Variants in EIF4E3 observed in about 807,000 individuals in gnomAD.
EIF4E3 encodes the protein eukaryotic translation initiation factor 4E type 3.
Under a neutral mutation model 31.7 loss-of-function variants are expected in EIF4E3, and 26 were observed. The ratio of observed to expected loss-of-function variants is 0.82; its 90% confidence interval spans 0.60 to 1.14. The LOEUF (loss-of-function observed/expected upper bound fraction) is 1.14. EIF4E3 is among the 50% of genes most tolerant of loss of function. The pLI, the probability that EIF4E3 is intolerant of heterozygous loss-of-function variation, is 0.00. For synonymous variants in EIF4E3, 128 were observed against 107.7 expected, an observed-to-expected ratio of 1.19 and a Z score of -1.17; for missense variants, 304 against 270.9, an observed-to-expected ratio of 1.12 and a Z score of -0.86.
chr3:71,674,090 CTTTTTTTTTTTTTT>C (rs71277509), downstream of EIF4E3, among the ~76,000 whole-genome samples: 41 of 25,068 alleles, frequency 1.6e-3, no homozygotes, highest in Non-Finnish European at 2.7e-3. Flanking sequence ...ATCAACTGTA[CTTTTTTTTTTTTTT>C]TTTTTTTTTT....
chr3:71,675,312 C>T (rs1459004920), downstream of EIF4E3: 1 of 152,224 alleles, frequency 6.6e-6, no homozygotes, highest in Non-Finnish European at 1.5e-5. Flanking sequence ...CACCTGCCAT[C>T]CACACCAGCA....
chr3:71,710,589 A>C, intron 1 of EIF4E3, 105 bp from the exon 2 acceptor site: 4 of 1,133,538 alleles, frequency 3.5e-6, no homozygotes, highest in Non-Finnish European at 5.1e-6. Context: ...ATCAGGTCTC[A>C]AACCACAGGA....
chr3:71,710,728 A>G (rs1357572921), intron 1 of EIF4E3, among the ~76,000 whole-genome samples: 2 of 152,338 alleles, frequency 1.3e-5, no homozygotes, highest in East Asian at 3.9e-4. Context: ...AAAGATAAGT[A>G]TGTATTAATA....
rs537605120 is a variant in EIF4E3, at chr3:71,724,358, G to A, written c.176+834C>T. On this transcript the variant is annotated intron_variant, in intron 1 of 6. Coordinates refer to ENST00000425534, the MANE Select transcript of EIF4E3 (RefSeq NM_001134651.2). ...AACTGAGGGGAGGTGTTGAGGAGCTGGGGAGACAGACTGAAAGTAAACAAA... is the reference window on the plus strand; with the variant it reads ...AACTGAGGGGAGGTGTTGAGGAGCTAGGGAGACAGACTGAAAGTAAACAAA... 2.3e-4 allele frequency among the ~76,000 whole-genome samples: 35 copies of A among 152,310 alleles called. No individual in the cohort carries two copies. In the South Asian group the frequency reaches 7.3e-3, roughly 32 times the overall value.
At chr3:71,754,682 C>A (rs747505478), upstream of EIF4E3, 2 of 1,499,912 alleles carry the variant, frequency 1.3e-6, no homozygotes, top group Non-Finnish European at 8.8e-7. This position sits in a 1 kb window ranked among gnomAD's most constrained non-coding sequence, Gnocchi z 5.8. Flanking sequence ...TCCACGACCG[C>A]CGCAAGATGC....
chr3:71,742,850 C>T (rs1451677765), intron 1 of EIF4E3, among the ~76,000 whole-genome samples: 2 of 152,140 alleles, frequency 1.3e-5, no homozygotes, highest in Non-Finnish European at 2.9e-5. Flanking sequence ...CAATACAATT[C>T]ACTATTTAAC....
At chr3:71,717,199 C>T (rs148627924) in intron 1 of EIF4E3, among the ~76,000 whole-genome samples, 60 of 152,258 alleles carry the variant, frequency 3.9e-4, no homozygotes, top group African/African-American at 1.3e-3. Context: ...CTTGTTGGAG[C>T]GGCAATCTCC....
chr3:71,669,244 C>T, the EIF4E3 span, among the ~76,000 whole-genome samples: 145 of 142,354 alleles, frequency 1.0e-3, 1 homozygote, highest in African/African-American at 3.7e-3. Flanking sequence ...CACACCGGGG[C>T]CTGTTGGGGG....
intron 4 of EIF4E3, among the ~76,000 whole-genome samples, 173 bp from the exon 5 acceptor site, chr3:71,694,114 G>A (rs1214499865): frequency 3.3e-5 from 5 of 152,174 alleles, no homozygotes. Flanking sequence ...TATCACCGTG[G>A]CATATTTTTC....
At chr3:71,724,977 C>G (rs974204853) in intron 1 of EIF4E3, among the ~76,000 whole-genome samples, 1 of 152,110 alleles carries the variant, frequency 6.6e-6, no homozygotes, top group Non-Finnish European at 1.5e-5. Context: ...TCCCCCGGCC[C>G]GGAGGCGAGG....
At chr3:71,737,197 C>T (rs994961694) in intron 1 of EIF4E3, among the ~76,000 whole-genome samples, 3 of 152,212 alleles carry the variant, frequency 2.0e-5, no homozygotes, top group Non-Finnish European at 2.9e-5. Context: ...GTGCTCCTAA[C>T]AGTTGCAACT....
chr3:71,688,832 G>T (rs990782328), intron 6 of EIF4E3, among the ~76,000 whole-genome samples: 4 of 152,140 alleles, frequency 2.6e-5, no homozygotes, highest in African/African-American at 9.7e-5. Flanking sequence ...CCATTTTTCT[G>T]TCTCTTTTAA....
chr3:71,712,650 C>A, intron 1 of EIF4E3, among the ~76,000 whole-genome samples: 1 of 145,592 alleles, frequency 6.9e-6, no homozygotes, highest in African/African-American at 2.6e-5. Context: ...GGGGGAGATT[C>A]TAGGGCTCAA....
chr3:71,721,371 T>C (rs1265196015), intron 1 of EIF4E3, among the ~76,000 whole-genome samples: 2 of 152,092 alleles, frequency 1.3e-5, no homozygotes, highest in East Asian at 3.9e-4. Flanking sequence ...GGTAATGCTA[T>C]GGAGAAAATA....
rs1215872110 is a variant in EIF4E3 at position 71,714,273 on chromosome 3, A to AGAAGGAAG, written c.177-3797_177-3790dup. On this transcript the variant is annotated intron_variant, in intron 1 of 6. Transcript: ENST00000425534. ...AGGAAGGAAGGAAGGAAGGAAGGAA[A>AGAAGGAAG]GAAGGAAGGAAGGAAGGAAGGAAGG... Among the ~76,000 whole-genome samples the AGAAGGAAG allele has an allele frequency of 9.8e-3, 1,230 of 125,344 alleles. 7 individuals carry two copies. Among genetic ancestry groups the AGAAGGAAG allele is most frequent in the Admixed American group, 0.019 (244 of 12,794 alleles). 82.2% of individuals were successfully genotyped at this position (125,344 alleles called of 152,430 possible).
At chr3:71,704,465 G>T (rs184034217) in intron 2 of EIF4E3, among the ~76,000 whole-genome samples, 30 of 152,154 alleles carry the variant, frequency 2.0e-4, no homozygotes, top group African/African-American at 7.2e-4. Flanking sequence ...GGCAGGAGGG[G>T]TTATTCTGGC....
chr3:71,690,116 G>C lies in EIF4E3; in HGVS notation c.522C>G (p.Val174=). Residue 174 remains valine, a synonymous_variant, in exon 6 of 7, where the codon GTC becomes GTG. Transcript: ENST00000425534. ...VSVSVRDRED[V]VQVWNVNASL... Reference sequence around the variant, plus strand: ...AGGCATTTACATTCCAGACTTGGACGACGTCTTCTCGGTCCCGAACACTGA... The same window carrying C: ...AGGCATTTACATTCCAGACTTGGACCACGTCTTCTCGGTCCCGAACACTGA... The C allele has an allele frequency of 1.2e-6, 2 of 1,613,452 alleles. No homozygotes were observed. The highest frequency in any genetic ancestry group is 1.7e-6 in the Non-Finnish European group (2 of 1,179,798).
chr3:71,664,870 A>C, the EIF4E3 span, among the ~76,000 whole-genome samples: 1 of 152,268 alleles, frequency 6.6e-6, no homozygotes, highest in East Asian at 1.9e-4. Context: ...GCAAGACTCC[A>C]TTTCAAAACA....
At chr3:71,751,961 G>T (rs1176412422) in intron 1 of EIF4E3, among the ~76,000 whole-genome samples, 2 of 152,154 alleles carry the variant, frequency 1.3e-5, no homozygotes, top group Non-Finnish European at 2.9e-5. Context: ...GTATCAAACT[G>T]CAATTCCTAA....
Sources: allele counts gnomAD v4.1 joint callset (sites outside exome capture counted in the v4.1 genomes callset), GRCh38; gene constraint gnomAD v4.1.1; non-coding constraint Gnocchi (gnomAD v3.1); transcripts MANE v1.5; gene names NCBI Gene and HGNC (gene_info 2026-07-23, HGNC 2026-07-21).